The following STPG2 variants were observed in gnomAD, a reference collection of about 807,000 sequenced individuals.
The protein encoded by STPG2 is sperm tail PG-rich repeat containing 2, also known as sperm-tail PG-rich repeat-containing protein 2.
A neutral mutation model predicts 54.2 loss-of-function variants in STPG2; 56 were observed. The ratio of observed to expected loss-of-function variants is 1.03; its 90% CI spans 0.83 to 1.29. The LOEUF is 1.29. Ranked by LOEUF, STPG2 falls within the 50% of genes most tolerant of loss-of-function variation. The pLI is 0.00. For missense variants in STPG2, 596 were observed against 544.9 expected (o/e 1.09, Z -0.93); for synonymous variants, 200 against 181.8 (o/e 1.10, Z -0.81).
At chr4:97,586,434 A>G (rs1732999871) in intron 10 of STPG2, among the ~76,000 whole-genome samples, 2 of 151,992 alleles carry the variant, frequency 1.3e-5, no homozygotes, top group Non-Finnish European at 2.9e-5. Flanking sequence ...TAAAACTTCC[A>G]AAATTTGATG....
intron 8 of STPG2, among the ~76,000 whole-genome samples, chr4:97,880,050 C>G (rs1044770238): frequency 1.3e-5 from 2 of 152,082 alleles, no homozygotes; most frequent in African/African-American, 4.8e-5. Flanking sequence ...ACCCAACCTA[C>G]GTCTCCATCA....
intron 3 of STPG2, among the ~76,000 whole-genome samples, chr4:98,122,048 T>G (rs1739695771): frequency 6.6e-6 from 1 of 152,122 alleles, no homozygotes; most frequent in Admixed American, 6.6e-5. Flanking sequence ...CACACTGATT[T>G]TGCATCCTGA....
At chr4:97,940,169 G>A (rs1295190078) in intron 8 of STPG2, among the ~76,000 whole-genome samples, 4 of 152,126 alleles carry the variant, frequency 2.6e-5, no homozygotes, top group Non-Finnish European at 4.4e-5. Flanking sequence ...AGAGTCGGCT[G>A]TTAGCCTCAT....
intron 8 of STPG2, among the ~76,000 whole-genome samples, chr4:97,850,299 A>AAAATAAATAAATAAATAAATAAAT (rs35675294): frequency 1.3e-4 from 14 of 106,894 alleles, no homozygotes; most frequent in African/African-American, 4.8e-4. Context: ...GAGGGAAAGA[A>AAAATAAATAAATAAATAAATAAAT]AAATAAATAA....
At chr4:97,927,581 A>G (rs146450580) in intron 8 of STPG2, among the ~76,000 whole-genome samples, 384 of 152,226 alleles carry the variant, frequency 2.5e-3, no homozygotes, top group African/African-American at 8.7e-3. Context: ...AACATCCGAG[A>G]TCTTTATGCT....
intron 9 of STPG2, among the ~76,000 whole-genome samples, chr4:97,735,256 T>C (rs1578517784): frequency 6.6e-6 from 1 of 151,706 alleles, no homozygotes; most frequent in South Asian, 2.1e-4. Context: ...ATAATAGGTG[T>C]GTATCTATAT....
rs5860519 is a variant in STPG2, at chr4:98,052,087, C to CA, written c.612+53865dup. Among the ~76,000 whole-genome samples, 967 of 117,726 alleles carry CA rather than the reference C, an allele frequency of 8.2e-3. 12 individuals are homozygous for CA. Among genetic ancestry groups the CA allele is most frequent in the African/African-American group, 0.021 (687 of 33,206 alleles). 77.2% of individuals were successfully genotyped at this position (117,726 alleles called of 152,430 possible). A position where few individuals can be genotyped will look rare whatever the true frequency, so the allele number is the denominator to read the frequency against. ...GGGCCACGAGAGCAAAACTCTGTCTCAAAAAAAAAAAAAAAAAGAAACAAA... is the reference window on the plus strand; with the variant it reads ...GGGCCACGAGAGCAAAACTCTGTCTCAAAAAAAAAAAAAAAAAAGAAACAAA... On this transcript the variant is annotated intron_variant, in intron 5 of 10. Transcript: ENST00000295268.
chr4:97,560,908 C>A (rs986806344), intron 10 of STPG2, among the ~76,000 whole-genome samples: 4 of 152,164 alleles, frequency 2.6e-5, no homozygotes, highest in Non-Finnish European at 5.9e-5. Flanking sequence ...CCCCAATAAA[C>A]GTACATGTGC....
chr4:97,961,128 G>A (rs1238449859), intron 7 of STPG2, among the ~76,000 whole-genome samples: 1 of 151,006 alleles, frequency 6.6e-6, no homozygotes, highest in East Asian at 1.9e-4. Flanking sequence ...AAACGTGCTG[G>A]GAAAATTGGC....
intron 5 of STPG2, among the ~76,000 whole-genome samples, chr4:98,030,807 C>T (rs368771692): frequency 1.6e-4 from 25 of 152,258 alleles, no homozygotes; most frequent in Admixed American, 4.6e-4. Flanking sequence ...ATTCATTAAA[C>T]GGTGCTGAGA....
At chr4:98,047,949 AT>A (rs1737189682) in intron 5 of STPG2, among the ~76,000 whole-genome samples, 1 of 152,210 alleles carries the variant, frequency 6.6e-6, no homozygotes, top group African/African-American at 2.4e-5. Flanking sequence ...ATTTTTCCTG[AT>A]AAAAAGAAAA....
chr4:97,719,027 T>C (rs151032515), intron 9 of STPG2, among the ~76,000 whole-genome samples: 80 of 152,072 alleles, frequency 5.3e-4, no homozygotes, highest in African/African-American at 1.9e-3. Context: ...ATTTTCAGAT[T>C]AGGGATGTTG....
intron 5 of STPG2, among the ~76,000 whole-genome samples, chr4:98,004,968 G>GT (rs1735532172): frequency 1.2e-5 from 1 of 82,864 alleles, no homozygotes; most frequent in Non-Finnish European, 2.6e-5. Flanking sequence ...TTTCTTTGCT[G>GT]TTAAAAAAAA....
At chr4:98,018,002 T>C (rs891320074) in intron 5 of STPG2, among the ~76,000 whole-genome samples, 7 of 152,036 alleles carry the variant, frequency 4.6e-5, no homozygotes, top group African/African-American at 1.4e-4. Flanking sequence ...AAACTTCTTT[T>C]CTTTTTCTTT....
chr4:97,824,736 G>A (rs1302397513), intron 9 of STPG2, among the ~76,000 whole-genome samples: 3 of 152,120 alleles, frequency 2.0e-5, no homozygotes, highest in Admixed American at 6.6e-5. Context: ...GCTCAAAATT[G>A]GCTGCTCTAG....
At chr4:97,776,524 C>CCA (rs1726380969) in intron 9 of STPG2, among the ~76,000 whole-genome samples, 1 of 152,094 alleles carries the variant, frequency 6.6e-6, no homozygotes, top group East Asian at 1.9e-4. Context: ...TATAAAGAGG[C>CCA]TATTCTCTAA....
At chr4:97,442,400 A>C (rs564927809) in intron 4 of STPG2, among the ~76,000 whole-genome samples, 10 of 152,244 alleles carry the variant, frequency 6.6e-5, no homozygotes, top group South Asian at 4.1e-4. Context: ...GCCAAGCATT[A>C]AACTTATCTC....
intron 4 of STPG2, among the ~76,000 whole-genome samples, chr4:97,486,906 C>A: frequency 7.1e-6 from 1 of 141,670 alleles, no homozygotes; most frequent in African/African-American, 2.7e-5. Flanking sequence ...CAATGGAATA[C>A]TACTCAGCCA....
intron 5 of STPG2, among the ~76,000 whole-genome samples, chr4:98,035,418 T>C (rs1461858066): frequency 6.6e-6 from 1 of 152,166 alleles, no homozygotes; most frequent in Non-Finnish European, 1.5e-5. Flanking sequence ...TCATGCCAGT[T>C]AGAAAGGCGA....
Sources: allele counts gnomAD v4.1 joint callset (sites outside exome capture counted in the v4.1 genomes callset), GRCh38; gene constraint gnomAD v4.1.1; transcripts MANE v1.5; gene names NCBI Gene and HGNC (gene_info 2026-07-23, HGNC 2026-07-21).